Variants in CSMD1 observed in about 807,000 individuals in gnomAD.
The protein encoded by CSMD1 is CUB and sushi domain-containing protein 1.
Under a neutral mutation model 417.5 loss-of-function variants are expected in CSMD1, and 213 were observed. The ratio of observed to expected loss-of-function variants is 0.51; its 90% CI spans 0.46 to 0.57. The LOEUF (loss-of-function observed/expected upper bound fraction) is 0.57, where lower values mean the gene tolerates loss of function less well. CSMD1 is among the 20% of genes least tolerant of loss of function. CSMD1 has a pLI of 0.00. For missense variants in CSMD1, 6,923 were observed against 4,529.7 expected (o/e 1.53, Z -15.17); for synonymous variants, 2,862 against 1,736.8 (o/e 1.65, Z -16.11).
In CSMD1 at chr8:3,931,299, T is replaced by G. The variant is rs987015575; in HGVS notation, c.818+66604A>C. 4.0e-5 allele frequency among the ~76,000 whole-genome samples: 6 copies of G among 150,694 alleles called. 1 individual carries two copies. The East Asian group carries it at 1.2e-3, about 29-fold the overall frequency. ...GTTAATAAATGGTATTGTGAAATTT[T>G]CAAATAAAATATTTAAGAACTAGAA... On this transcript the variant is annotated intron_variant, in intron 5 of 69. Transcript: ENST00000635120.
At chr8:4,582,836 G>A (rs902744237) in intron 2 of CSMD1, among the ~76,000 whole-genome samples, 4 of 152,206 alleles carry the variant, frequency 2.6e-5, no homozygotes, top group South Asian at 2.1e-4. Context: ...AGGGAGAGGC[G>A]CGAGTGGGAA....
chr8:3,172,651 A>AG (rs1174740496), intron 37 of CSMD1, among the ~76,000 whole-genome samples: 2 of 152,154 alleles, frequency 1.3e-5, no homozygotes, highest in Non-Finnish European at 2.9e-5. Context: ...AGGACACTTA[A>AG]GGGGGGCAGA....
chr8:3,592,938 C>G (rs1800921408), intron 8 of CSMD1, among the ~76,000 whole-genome samples: 2 of 152,036 alleles, frequency 1.3e-5, no homozygotes, highest in Non-Finnish European at 2.9e-5. Flanking sequence ...CGATGAGTTG[C>G]CCAAACAGCA....
At chr8:3,805,193 C>A (rs796210693) in intron 5 of CSMD1, among the ~76,000 whole-genome samples, 1 of 152,164 alleles carries the variant, frequency 6.6e-6, no homozygotes, top group African/African-American at 2.4e-5. Context: ...AGGACTACAA[C>A]ATGACAAGGG....
intron 5 of CSMD1, among the ~76,000 whole-genome samples, chr8:3,963,027 C>G (rs575744124): frequency 5.3e-5 from 8 of 152,240 alleles, no homozygotes; most frequent in African/African-American, 1.9e-4. Context: ...ACCTCTGCCT[C>G]CGAGGTTCAA....
intron 54 of CSMD1, among the ~76,000 whole-genome samples, chr8:2,990,210 T>C (rs1259879803): frequency 6.6e-6 from 1 of 152,242 alleles, no homozygotes; most frequent in East Asian, 1.9e-4. Context: ...TGCAGCTGCA[T>C]GAGCAAGAGG....
At chr8:3,583,370 G>T (rs142770640) in intron 9 of CSMD1, among the ~76,000 whole-genome samples, 11 of 151,990 alleles carry the variant, frequency 7.2e-5, no homozygotes, top group Middle Eastern at 3.4e-3. Flanking sequence ...AAGGCCTCAG[G>T]TGCCTCGAAT....
chr8:4,774,587 G>T (rs908549826), intron 1 of CSMD1, among the ~76,000 whole-genome samples: 2 of 152,172 alleles, frequency 1.3e-5, no homozygotes, highest in African/African-American at 4.8e-5. Flanking sequence ...CCAAAAGTAA[G>T]TTTGGGAGTT....
At position 3,303,293 on chromosome 8, in the gene CSMD1, G is replaced by A. The variant is rs535104467; in HGVS notation, c.3950+4402C>T. ...GTGTATTTCCTACTGGGATCTGGAA[G>A]GTTGATCAGAAATGGATTAATATTC... On this transcript the variant is annotated intron_variant, in intron 25 of 69. Transcript: ENST00000635120. Among the ~76,000 whole-genome samples the A allele has an allele frequency of 1.3e-3, 205 of 152,212 alleles. 1 individual carries two copies. The highest frequency in any genetic ancestry group is 4.3e-3 in the African/African-American group (178 of 41,554).
intron 1 of CSMD1, among the ~76,000 whole-genome samples, chr8:4,919,852 T>G (rs1407010331): frequency 2.0e-5 from 3 of 152,100 alleles, no homozygotes; most frequent in Admixed American, 2.0e-4. Context: ...TCACCTTCTT[T>G]CATGTGAAGG....
At position 4,788,319 on chromosome 8, in the gene CSMD1, C is replaced by T. The variant is rs186532658; in HGVS notation, c.86-150761G>A. On this transcript the variant is annotated intron_variant, in intron 1 of 69. Coordinates refer to ENST00000635120, the MANE Select transcript of CSMD1 (RefSeq NM_033225.6). ...GGCAGGCAGAAGTAATGGTTTGGGA[C>T]CAGTGATGTCTGGGAACACTGCATA... is the stretch of plus-strand genomic sequence containing the variant. 1.0e-5 allele frequency: 16 copies of T among 1,570,122 alleles called. No homozygotes were observed. The African/African-American group carries it at 1.9e-4, about 18-fold the overall frequency.
At chr8:4,899,090 A>C (rs1020124591) in intron 1 of CSMD1, among the ~76,000 whole-genome samples, 3 of 152,196 alleles carry the variant, frequency 2.0e-5, no homozygotes, top group Non-Finnish European at 4.4e-5. Flanking sequence ...TTTAAGTGTG[A>C]TCTGTTACAT....
chr8:4,175,458 AG>A (rs201745794), intron 3 of CSMD1, among the ~76,000 whole-genome samples: 30,303 of 152,070 alleles, frequency 0.2, 3,107 homozygotes, highest in East Asian at 0.3. Context: ...ATTTTATGAT[AG>A]CAAAAGCATC....
At chr8:4,252,075 C>A (rs1179319228) in intron 3 of CSMD1, among the ~76,000 whole-genome samples, 1 of 152,132 alleles carries the variant, frequency 6.6e-6, no homozygotes, top group Non-Finnish European at 1.5e-5. Context: ...AGAAATTAAA[C>A]TGAAACTGAT....
At chr8:3,886,488 T>G (rs550652892) in intron 5 of CSMD1, among the ~76,000 whole-genome samples, 1 of 152,214 alleles carries the variant, frequency 6.6e-6, no homozygotes, top group Non-Finnish European at 1.5e-5. Flanking sequence ...AGCCATACGG[T>G]CTCTGTCACA....
chr8:3,066,950 G>A (rs186544418), intron 49 of CSMD1, among the ~76,000 whole-genome samples: 77 of 152,128 alleles, frequency 5.1e-4, no homozygotes, highest in Non-Finnish European at 1.8e-4. Flanking sequence ...GTTGATGGGT[G>A]TAATTAAATT....
intron 23 of CSMD1, among the ~76,000 whole-genome samples, chr8:3,322,039 G>A (rs574829829): frequency 3.1e-4 from 47 of 152,240 alleles, no homozygotes; most frequent in Non-Finnish European, 4.7e-4. Flanking sequence ...GTGTGGTGAC[G>A]TATTTACATA....
intron 6 of CSMD1, among the ~76,000 whole-genome samples, chr8:3,716,585 G>T (rs569333318): frequency 4.6e-5 from 7 of 152,220 alleles, no homozygotes; most frequent in African/African-American, 9.6e-5. Context: ...ATTTGCGCCG[G>T]CTTCTTTACT....
At chr8:3,651,601 C>A (rs557047991) in intron 7 of CSMD1, among the ~76,000 whole-genome samples, 1 of 152,102 alleles carries the variant, frequency 6.6e-6, no homozygotes, top group Non-Finnish European at 1.5e-5. Context: ...GCCCCTGCCC[C>A]CCTGCACTCA....
Sources: allele counts gnomAD v4.1 joint callset (sites outside exome capture counted in the v4.1 genomes callset), GRCh38; gene constraint gnomAD v4.1.1; transcripts MANE v1.5; gene names NCBI Gene and HGNC (gene_info 2026-07-23, HGNC 2026-07-21).